The following ARID4B variants were observed in gnomAD, a reference collection of about 807,000 sequenced individuals.
ARID4B encodes AT-rich interaction domain 4B.
ARID4B carries 26 observed loss-of-function variants against 147.5 expected under a neutral mutation model. That is an observed-to-expected ratio of 0.18 (90% CI 0.13 to 0.24). The LOEUF (loss-of-function observed/expected upper bound fraction) is 0.24. Among genes scored for constraint, ARID4B ranks in the 10% least tolerant of loss-of-function variants. ARID4B has a pLI of 1.00. For missense variants in ARID4B, 1,179 were observed against 1,511.5 expected, an observed-to-expected ratio of 0.78 and a Z score of 3.65; for synonymous variants, 512 against 507.9, an observed-to-expected ratio of 1.01 and a Z score of -0.11.
chr1:235,196,311 T>TA lies in ARID4B; in HGVS notation c.1842-197dup, dbSNP rs539726288. The stretch of plus-strand genomic sequence containing the variant: ...GGAGGTAATAACTTGCCCATGGACT[T>TA]AAAGTTAGCTACTGGCCGAGCCAAG... On this transcript the variant is annotated intron_variant, in intron 17 of 23. Transcript: ENST00000264183. Among the ~76,000 whole-genome samples the TA allele has an allele frequency of 1.9e-4, 29 of 152,278 alleles. No homozygotes were observed. The East Asian group carries it at 3.5e-3, about 18-fold the overall frequency.
intron 2 of ARID4B, among the ~76,000 whole-genome samples, chr1:235,324,186 C>G (rs1053082666): frequency 4.0e-5 from 6 of 151,868 alleles, no homozygotes; most frequent in African/African-American, 1.5e-4. Flanking sequence ...TGATTACAGG[C>G]GTGAGCCACC....
At chr1:235,294,695 G>C (rs1173532237) in intron 2 of ARID4B, among the ~76,000 whole-genome samples, 1 of 151,088 alleles carries the variant, frequency 6.6e-6, no homozygotes, top group African/African-American at 2.4e-5. Context: ...TGTATTTTTA[G>C]TAGAGACGGG....
At chr1:235,292,423 G>A (rs1316018726) in intron 2 of ARID4B, among the ~76,000 whole-genome samples, 2 of 152,286 alleles carry the variant, frequency 1.3e-5, no homozygotes, top group Non-Finnish European at 2.9e-5. Context: ...AGAACAGCCT[G>A]TCCAACATGG....
chr1:235,273,286 C>T (rs1003613213), intron 2 of ARID4B, among the ~76,000 whole-genome samples: 3 of 152,226 alleles, frequency 2.0e-5, no homozygotes, highest in African/African-American at 4.8e-5. Flanking sequence ...TCAGATGATC[C>T]GCCAGCCTTG....
intron 2 of ARID4B, among the ~76,000 whole-genome samples, chr1:235,282,044 T>C (rs1167031604): frequency 1.3e-5 from 2 of 152,178 alleles, no homozygotes; most frequent in African/African-American, 4.8e-5. Flanking sequence ...AAGGGGACTC[T>C]GCTATGAAAT....
At chr1:235,176,904 C>A in intron 21 of ARID4B, 1 of 470,908 alleles carries the variant, frequency 2.1e-6, no homozygotes, top group Non-Finnish European at 4.4e-6. Flanking sequence ...TGTGGGGCAC[C>A]TGAAAAAAAA....
intron 2 of ARID4B, among the ~76,000 whole-genome samples, chr1:235,267,711 A>G (rs1024217349): frequency 7.9e-5 from 12 of 151,980 alleles, no homozygotes; most frequent in African/African-American, 2.9e-4. Context: ...GGGTGCCTGT[A>G]GGCTAACAAG....
chr1:235,213,692 C>T, intron 17 of ARID4B, 77 bp downstream of exon 17: 2 of 1,429,508 alleles, frequency 1.4e-6, no homozygotes, highest in Admixed American at 2.2e-5. Context: ...ATCTGTAATC[C>T]ATTACTTAAG....
At chr1:235,171,274 A>G (rs1663339585) in intron 23 of ARID4B, among the ~76,000 whole-genome samples, 1 of 152,004 alleles carries the variant, frequency 6.6e-6, no homozygotes, top group South Asian at 2.1e-4. Flanking sequence ...CATCTCTACT[A>G]AAAATAAAAA....
Position 235,181,779 on chromosome 1 carries a change from A to G in ARID4B, c.3140T>C (p.Val1047Ala), listed in dbSNP as rs1040340672. 1 of 1,614,168 alleles carries G rather than the reference A, an allele frequency of 6.2e-7. No homozygotes were observed. The highest frequency in any genetic ancestry group is 1.3e-5 in the African/African-American group (1 of 75,036). Reference sequence around the variant, plus strand: ...TTGGTTTGGAGCCAGTGGTTCTGATACTGTTACAGAAGACTGCTGCCGGCT... The same window carrying G: ...TTGGTTTGGAGCCAGTGGTTCTGATGCTGTTACAGAAGACTGCTGCCGGCT... Reference protein sequence around the residue: ...EGSRQQSSVTVSEPLAPNQEE... With the variant: ...EGSRQQSSVTASEPLAPNQEE... Residue 1047 changes from valine to alanine, a missense_variant, in exon 20 of 24, where the codon GTA becomes GCA. Coordinates refer to ENST00000264183, the MANE Select transcript of ARID4B (RefSeq NM_016374.6).
chr1:235,296,855 A>AGAGAAAG (rs1672776052), intron 2 of ARID4B, among the ~76,000 whole-genome samples: 2 of 33,540 alleles, frequency 6.0e-5, no homozygotes, highest in Admixed American at 3.5e-4. Context: ...GGAGGGAGGG[A>AGAGAAAG]AGGAAGGGAG....
chr1:235,251,664 A>G (rs1233504652), intron 6 of ARID4B, among the ~76,000 whole-genome samples: 1 of 151,912 alleles, frequency 6.6e-6, no homozygotes, highest in Non-Finnish European at 1.5e-5. Flanking sequence ...GTAATATTAA[A>G]GTAATAAATA....
At position 235,326,750 on chromosome 1, in the gene ARID4B, G is replaced by A. The variant is rs1436729283; in HGVS notation, c.6+164C>T. On this transcript the variant is annotated intron_variant, in intron 2 of 23. Coordinates refer to ENST00000264183, the MANE Select transcript of ARID4B (RefSeq NM_016374.6). ...TAACTGCCTCCAACTCCACAGCAAA[G>A]CCCGCCAGCTGACCCCGGTCTCTCT... 3.7e-6 allele frequency: 3 copies of A among 807,272 alleles called. No homozygotes were observed. In the Admixed American group the frequency reaches 6.0e-5, roughly 16 times the overall value. The allele number at this position is 807,272 out of a possible 1,614,324, so 50.0% of individuals were successfully genotyped here. A position where few individuals can be genotyped will look rare whatever the true frequency, so the allele number is the denominator to read the frequency against.
chr1:235,173,774 ATATATATATATATAT>A (rs1663608791), intron 22 of ARID4B, among the ~76,000 whole-genome samples: 5 of 21,032 alleles, frequency 2.4e-4, no homozygotes, highest in Admixed American at 6.8e-4. Context: ...AAAAAAAAAT[ATATATATATATATAT>A]ATATATATAT....
intron 19 of ARID4B, among the ~76,000 whole-genome samples, chr1:235,188,901 G>A (rs1260842092): frequency 6.6e-6 from 1 of 151,194 alleles, no homozygotes; most frequent in Non-Finnish European, 1.5e-5. Flanking sequence ...AGACAGCCAG[G>A]AAAAAAAATT....
chr1:235,190,246 G>A (rs1239460113), intron 19 of ARID4B: 1 of 152,314 alleles, frequency 6.6e-6, no homozygotes, highest in South Asian at 2.1e-4. Context: ...TCAGCAGTTC[G>A]AGACCAGCCT....
Position 235,220,284 on chromosome 1 carries a change from T to C in ARID4B, c.1407+18A>G. 1 of 1,575,948 alleles carries C rather than the reference T, an allele frequency of 6.3e-7. No individual in the cohort carries two copies. On this transcript the variant is annotated intron_variant, in intron 15 of 23. Transcript: ENST00000264183. ...TATACCAAAGAAAGCAAAAGACAAT[T>C]AACAATATCTGATTTACCAGAGAGG...
chr1:235,326,783 G>A, intron 2 of ARID4B, 131 bp downstream of exon 2: 2 of 1,184,116 alleles, frequency 1.7e-6, no homozygotes, highest in Non-Finnish European at 2.5e-6. Flanking sequence ...TCTGGGGAAG[G>A]GCTCGGTCAC....
intron 17 of ARID4B, among the ~76,000 whole-genome samples, chr1:235,209,115 A>C (rs1361297101): frequency 6.6e-6 from 1 of 152,258 alleles, no homozygotes; most frequent in Admixed American, 6.5e-5. Context: ...CCCAAATGTT[A>C]ACCTTTGTAT....
Sources: allele counts gnomAD v4.1 joint callset (sites outside exome capture counted in the v4.1 genomes callset), GRCh38; gene constraint gnomAD v4.1.1; transcripts MANE v1.5; gene names NCBI Gene and HGNC (gene_info 2026-07-23, HGNC 2026-07-21).